LRRC58: variants seen among roughly 807,000 people sequenced by gnomAD.
LRRC58 encodes leucine rich repeat containing 58.
A neutral mutation model predicts 30.6 loss-of-function variants in LRRC58; 18 were observed. The observed-to-expected ratio is 0.59, with a 90% CI of 0.41 to 0.87. The LOEUF is 0.87. Among genes scored for constraint, LRRC58 ranks in the 40% least tolerant of loss-of-function variants. The pLI is 0.00. For synonymous variants in LRRC58, 221 were observed against 206.0 expected, an observed-to-expected ratio of 1.07 and a Z score of -0.62; for missense variants, 420 against 468.4, an observed-to-expected ratio of 0.90 and a Z score of 0.95.
chr3:120,336,841 T>C (rs1056535550), intron 1 of LRRC58, among the ~76,000 whole-genome samples: 1 of 146,052 alleles, frequency 6.8e-6, no homozygotes, highest in African/African-American at 2.6e-5. Context: ...TATATTTATT[T>C]ATTTATATAT....
chr3:120,325,488 A>G lies in LRRC58; in HGVS notation c.*5712T>C, dbSNP rs369241303. On this transcript the variant is annotated 3_prime_UTR_variant, in exon 4 of 4. Transcript: ENST00000295628. ...ACTGGATTGAATACTATCCTTTACA[A>G]CAACTATTGAGAAAGACTAATGTTA... 8 of 152,316 alleles carry G rather than the reference A, an allele frequency of 5.3e-5. No individual in the cohort carries two copies. The highest frequency in any genetic ancestry group is 3.4e-3 in the Middle Eastern group (1 of 294). The allele number at this position is 152,316 out of a possible 1,614,324, so 9.4% of individuals were successfully genotyped here. A position where few individuals can be genotyped will look rare whatever the true frequency, so the allele number is the denominator to read the frequency against.
rs561092787 is a variant in LRRC58, at chr3:120,331,122, G to A, written c.*78C>T. 5.8e-5 allele frequency: 70 copies of A among 1,202,000 alleles called. 1 individual carries two copies. In the African/African-American group the frequency reaches 1.0e-3, roughly 17 times the overall value. The allele number at this position is 1,202,000 out of a possible 1,614,324, so 74.5% of individuals were successfully genotyped here. A position where few individuals can be genotyped will look rare whatever the true frequency, so the allele number is the denominator to read the frequency against. On this transcript the variant is annotated 3_prime_UTR_variant, in exon 4 of 4. Transcript: ENST00000295628. ...ACTTAAGATGAAGATAAGATTTCTA[G>A]TGAACTTCAAGCTCTATTTTCTTGT...
chr3:120,337,748 T>C (rs1338244260), intron 1 of LRRC58, among the ~76,000 whole-genome samples: 4 of 152,344 alleles, frequency 2.6e-5, no homozygotes, highest in Middle Eastern at 3.4e-3. Context: ...TTTTTTCTCA[T>C]TAATATACAG....
intron 3 of LRRC58, 30 bp downstream of exon 3, chr3:120,334,832 G>T (rs769672555): frequency 6.4e-7 from 1 of 1,564,336 alleles, no homozygotes; most frequent in Admixed American, 1.9e-5. Context: ...AGCTAAATAA[G>T]TGGGAAACAT....
rs1243532782 is a variant in LRRC58 at position 120,327,829 on chromosome 3, T to G, written c.*3371A>C. 6.6e-6 allele frequency: 1 copy of G among 152,168 alleles called. No homozygotes were observed. The highest frequency in any genetic ancestry group is 2.4e-5 in the African/African-American group (1 of 41,442). 9.4% of individuals were successfully genotyped at this position (152,168 alleles called of 1,614,324 possible). ...GGAGTGATCTCAGATTACTGCAACC[T>G]CTGTCTCCCAAGTTCAAGTGATTCT... On this transcript the variant is annotated 3_prime_UTR_variant, in exon 4 of 4. Transcript: ENST00000295628.
At chr3:120,348,262 T>C (rs989193417) in intron 1 of LRRC58, among the ~76,000 whole-genome samples, 3 of 152,124 alleles carry the variant, frequency 2.0e-5, no homozygotes, top group Non-Finnish European at 2.9e-5. Flanking sequence ...GGAAAATGCA[T>C]AGGTCACTGA....
In LRRC58 at chr3:120,324,786, T is replaced by A. The variant is rs1159459960; in HGVS notation, c.*6414A>T. On this transcript the variant is annotated 3_prime_UTR_variant, in exon 4 of 4. Coordinates refer to ENST00000295628, the MANE Select transcript of LRRC58 (RefSeq NM_001099678.2). ...ACAAGGCAATATATAAATTTGATAT[T>A]AATATAATAAACAATAACTTATCCT... is the stretch of plus-strand genomic sequence containing the variant. 1 of 152,132 alleles carries A rather than the reference T, an allele frequency of 6.6e-6. No individual in the cohort carries two copies. The highest frequency in any genetic ancestry group is 1.9e-4 in the East Asian group (1 of 5,204). 9.4% of individuals were successfully genotyped at this position (152,132 alleles called of 1,614,324 possible). A position where few individuals can be genotyped will look rare whatever the true frequency, so the allele number is the denominator to read the frequency against.
chr3:120,344,054 CAAACAAACAA>C (rs1395523134), intron 1 of LRRC58, among the ~76,000 whole-genome samples: 1 of 150,020 alleles, frequency 6.7e-6, no homozygotes, highest in African/African-American at 2.5e-5. Context: ...AACAAATAAA[CAAACAAACAA>C]AAACAAAAAA....
At position 120,330,915 on chromosome 3, in the gene LRRC58, G is replaced by A. The variant is rs1198683654; in HGVS notation, c.*285C>T. On this transcript the variant is annotated 3_prime_UTR_variant, in exon 4 of 4. Coordinates refer to ENST00000295628, the MANE Select transcript of LRRC58 (RefSeq NM_001099678.2). ...CTTATTGCAGAACTGCTCTTCAAAA[G>A]GTACCATTCTGCTTTGTGATTCATG... 7.5e-6 allele frequency: 3 copies of A among 401,072 alleles called. No individual in the cohort carries two copies. The highest frequency in any genetic ancestry group is 1.4e-5 in the Non-Finnish European group (3 of 215,422). 24.8% of individuals were successfully genotyped at this position (401,072 alleles called of 1,614,324 possible).
Position 120,339,184 on chromosome 3 carries a change from A to G in LRRC58, c.501-3231T>C, listed in dbSNP as rs142345960. Among the ~76,000 whole-genome samples the G allele has an allele frequency of 5.3e-3, 806 of 151,888 alleles. 4 individuals carry two copies. The Middle Eastern group carries it at 0.071, about 13-fold the overall frequency. On this transcript the variant is annotated intron_variant, in intron 1 of 3. Coordinates refer to ENST00000295628, the MANE Select transcript of LRRC58 (RefSeq NM_001099678.2). ...AGTTTATTTTTGTTCTTTTCCCTCT[A>G]CTTCTACTGTTTTGAACTGTATATG...
chr3:120,335,506 A>G (rs1210803318), intron 2 of LRRC58, among the ~76,000 whole-genome samples: 1 of 152,238 alleles, frequency 6.6e-6, no homozygotes, highest in Non-Finnish European at 1.5e-5. Flanking sequence ...CATATTATAA[A>G]GCCTAATTAG....
At chr3:120,332,576 C>T (rs16831049) in intron 3 of LRRC58, among the ~76,000 whole-genome samples, 2,047 of 152,094 alleles carry the variant, frequency 0.013, 35 homozygotes, top group African/African-American at 0.046. Context: ...GGAGTTACTA[C>T]GAACTAAAGC....
At chr3:120,333,536 G>T (rs541705868) in intron 3 of LRRC58, among the ~76,000 whole-genome samples, 1 of 152,290 alleles carries the variant, frequency 6.6e-6, no homozygotes, top group East Asian at 1.9e-4. Flanking sequence ...AATCTTTGAA[G>T]AATTTGATAA....
rs1935745833 is a variant in LRRC58 at position 120,330,878 on chromosome 3, T to C, written c.*322A>G. ...TCTCCATCTCAATGTCCAAAAGTTA[T>C]ACTACTCATGACTTATTGCAGAACT... On this transcript the variant is annotated 3_prime_UTR_variant, in exon 4 of 4. Coordinates refer to ENST00000295628, the MANE Select transcript of LRRC58 (RefSeq NM_001099678.2). 1 of 326,108 alleles carries C rather than the reference T, an allele frequency of 3.1e-6. No individual in the cohort carries two copies. Among genetic ancestry groups the C allele is most frequent in the South Asian group, 3.2e-5 (1 of 31,476 alleles). The allele number at this position is 326,108 out of a possible 1,614,324, so 20.2% of individuals were successfully genotyped here.
In LRRC58 at chr3:120,329,956, T is replaced by C. The variant is rs1043932868; in HGVS notation, c.*1244A>G. Reference sequence around the variant, plus strand: ...CTATTTTCCTGCTATACATTAAGGATACAATATATTTAATAATTTTTTTCT... The same window carrying C: ...CTATTTTCCTGCTATACATTAAGGACACAATATATTTAATAATTTTTTTCT... On this transcript the variant is annotated 3_prime_UTR_variant, in exon 4 of 4. Coordinates refer to ENST00000295628, the MANE Select transcript of LRRC58 (RefSeq NM_001099678.2). The C allele has an allele frequency of 3.9e-5, 6 of 151,976 alleles. No individual in the cohort carries two copies. Among genetic ancestry groups the C allele is most frequent in the African/African-American group, 1.4e-4 (6 of 41,444 alleles). The allele number at this position is 151,976 out of a possible 1,614,324, so 9.4% of individuals were successfully genotyped here.
chr3:120,334,767 G>A (rs1349216984), intron 3 of LRRC58, 95 bp downstream of exon 3: 4 of 1,137,298 alleles, frequency 3.5e-6, no homozygotes, highest in South Asian at 1.8e-5. Flanking sequence ...AAAATAAAGG[G>A]AACAGAAACA....
chr3:120,348,664 T>C, intron 1 of LRRC58, 80 bp downstream of exon 1: 1 of 1,427,356 alleles, frequency 7.0e-7, no homozygotes, highest in Non-Finnish European at 9.3e-7. Flanking sequence ...GTGACAAACG[T>C]TGAGGTGCCC....
rs1935751949 is a variant in LRRC58, at chr3:120,331,260, A to C, written c.1056T>G (p.Ser352=). The C allele has an allele frequency of 6.2e-6, 10 of 1,613,862 alleles. No individual in the cohort carries two copies. The highest frequency in any genetic ancestry group is 1.3e-5 in the African/African-American group (1 of 74,916). Residue 352 remains serine, a synonymous_variant, in exon 4 of 4, where the codon TCT becomes TCG. Transcript: ENST00000295628. The part of the protein sequence containing the change: ...ASHSSTSQSE[S]DSEDEASVAA... ...CAACACTAGCTTCATCTTCTGAGTC[A>C]GATTCACTCTGGGAAGTGGAGCTGT...
Position 120,332,889 on chromosome 3 carries a change from A to T in LRRC58, c.908-1481T>A, listed in dbSNP as rs531600107. On this transcript the variant is annotated intron_variant, in intron 3 of 3. Coordinates refer to ENST00000295628, the MANE Select transcript of LRRC58 (RefSeq NM_001099678.2). Reference sequence around the variant, plus strand: ...CTCAGCCTCCTGAGTAGCTGGGACGACAAGCACATGCCACTATGCCCAACT... The same window carrying T: ...CTCAGCCTCCTGAGTAGCTGGGACGTCAAGCACATGCCACTATGCCCAACT... 2.0e-5 allele frequency among the ~76,000 whole-genome samples: 3 copies of T among 152,194 alleles called. No individual in the cohort carries two copies. The South Asian group carries it at 6.2e-4, about 32-fold the overall frequency.
Sources: gnomAD v4.1 joint callset for allele counts (sites outside exome capture counted in the v4.1 genomes callset) on GRCh38, gnomAD v4.1.1 for gene constraint, MANE v1.5 for transcripts, NCBI Gene and HGNC (gene_info 2026-07-23, HGNC 2026-07-21) for gene names.